Variants in CTDP1 observed in about 807,000 individuals in gnomAD.
CTDP1 encodes CTD phosphatase 1.
Under a neutral mutation model 91.8 loss-of-function variants are expected in CTDP1, and 47 were observed. The observed-to-expected ratio is 0.51, with a 90% CI of 0.41 to 0.65. The LOEUF is 0.65. Ranked by LOEUF, CTDP1 falls within the 30% of genes least tolerant of loss-of-function variation. The pLI is 0.00. For synonymous variants in CTDP1, 656 were observed against 598.5 expected (o/e 1.10, Z -1.40); for missense variants, 1,272 against 1,373.7 (o/e 0.93, Z 1.17).
intron 12 of CTDP1, among the ~76,000 whole-genome samples, chr18:79,750,169 G>GA (rs1727276242): frequency 6.6e-6 from 1 of 152,156 alleles, no homozygotes; most frequent in Non-Finnish European, 1.5e-5. Context: ...CAGGTGCACA[G>GA]AAAAGGTGCG....
At chr18:79,694,294 C>CGGCCTCT (rs2085694791) in intron 1 of CTDP1, among the ~76,000 whole-genome samples, 1 of 119,014 alleles carries the variant, frequency 8.4e-6, no homozygotes, top group Non-Finnish European at 1.8e-5. Context: ...GAGTGCTGGG[C>CGGCCTCT]GGTCTCATGT....
Position 79,696,067 on chromosome 18 carries a change from C to A in CTDP1, c.489C>A (p.Ser163=). The change falls in exon 3 of 13, where the codon TCC becomes TCA. Residue 163 remains serine (S), a synonymous_variant. Transcript: ENST00000613122. ...GCGTGCCGGAGTTGATGGTGAGCTC[C>A]GAGGTGAGCCGGGCATCAGTGGCGG... ...VHSVPELMVS[S]EQAEQLGRED... is the part of the protein sequence containing the mutation. The A allele has an allele frequency of 6.2e-7, 1 of 1,610,864 alleles. No homozygotes were observed.
In CTDP1 at chr18:79,680,241, G is replaced by A. The variant is rs187756055; in HGVS notation, c.294G>A (p.Pro98=). 3.8e-4 allele frequency: 498 copies of A among 1,306,134 alleles called. 3 individuals carry two copies. The African/African-American group carries it at 6.9e-3, about 18-fold the overall frequency. The allele number at this position is 1,306,134 out of a possible 1,614,324, so 80.9% of individuals were successfully genotyped here. ...TGGTGCGGGAGCTGTGCGCGCAGCCGGGCCAGGTGGTCGCCCCAGGGTGAG... is the reference window on the plus strand; with the variant it reads ...TGGTGCGGGAGCTGTGCGCGCAGCCAGGCCAGGTGGTCGCCCCAGGGTGAG... ...AGVVRELCAQ[P]GQVVAPGAVL... Residue 98 remains proline (P), a synonymous_variant, in exon 1 of 13, where the codon CCG becomes CCA. Coordinates refer to ENST00000613122, the MANE Select transcript of CTDP1 (RefSeq NM_004715.5).
At chr18:79,684,311 A>G (rs112281285) in intron 1 of CTDP1, among the ~76,000 whole-genome samples, 11 of 152,360 alleles carry the variant, frequency 7.2e-5, no homozygotes, top group East Asian at 3.9e-4. Flanking sequence ...TCTTTATAGC[A>G]TGGAATTTTA....
chr18:79,687,768 T>C (rs2085535481), intron 1 of CTDP1, among the ~76,000 whole-genome samples: 1 of 152,270 alleles, frequency 6.6e-6, no homozygotes, highest in African/African-American at 2.4e-5. Context: ...TAAAGTGTTT[T>C]CAGGCTGGAA....
At position 79,705,021 on chromosome 18, in the gene CTDP1, A is replaced by G. The variant is rs993695944; in HGVS notation, c.772+104A>G. 2.6e-6 allele frequency: 4 copies of G among 1,542,488 alleles called. No individual in the cohort carries two copies. The East Asian group carries it at 9.1e-5, about 35-fold the overall frequency. On this transcript the variant is annotated intron_variant, in intron 5 of 12. Transcript: ENST00000613122. ...AAGAAAGAAAAGAAGCTCTCCTGCAACTCAGTTGTAGTCTTAGGGTTGGCC... is the reference window on the plus strand; with the variant it reads ...AAGAAAGAAAAGAAGCTCTCCTGCAGCTCAGTTGTAGTCTTAGGGTTGGCC...
chr18:79,692,383 A>G (rs543256704), intron 1 of CTDP1, among the ~76,000 whole-genome samples: 1 of 152,206 alleles, frequency 6.6e-6, no homozygotes, highest in Admixed American at 6.5e-5. Context: ...TGTATGCCTG[A>G]TAAGTTCTGA....
chr18:79,705,651 T>C (rs2085953287), intron 5 of CTDP1, among the ~76,000 whole-genome samples: 1 of 152,228 alleles, frequency 6.6e-6, no homozygotes, highest in African/African-American at 2.4e-5. Context: ...GGCGACCGTC[T>C]GTCCCACATG....
rs531674492 is a variant in CTDP1, at chr18:79,753,831, A to G, written c.*41A>G. The G allele has an allele frequency of 2.5e-5, 40 of 1,604,710 alleles. No homozygotes were observed. The South Asian group carries it at 4.2e-4, about 17-fold the overall frequency. On this transcript the variant is annotated 3_prime_UTR_variant, in exon 13 of 13. Transcript: ENST00000613122. ...AGGGACTGAAGCCTGACCGACCTCC[A>G]GCAGCACTCGGACGTCCCCGGACCA... is the stretch of plus-strand genomic sequence containing the variant.
At chr18:79,735,338 C>T (rs545443527) in intron 11 of CTDP1, among the ~76,000 whole-genome samples, 1 of 152,326 alleles carries the variant, frequency 6.6e-6, no homozygotes, top group Non-Finnish European at 1.5e-5. Context: ...CAGGCCGCCC[C>T]GCCTCACCTG....
At chr18:79,684,771 T>C (rs953625670) in intron 1 of CTDP1, among the ~76,000 whole-genome samples, 2 of 152,210 alleles carry the variant, frequency 1.3e-5, no homozygotes, top group Admixed American at 6.5e-5. Flanking sequence ...AGTCACTAGA[T>C]TGTCGTTTTG....
chr18:79,719,675 A>G (rs1345864016), intron 10 of CTDP1, among the ~76,000 whole-genome samples: 1 of 139,932 alleles, frequency 7.1e-6, no homozygotes, highest in Admixed American at 7.3e-5. Context: ...CATCATTAGG[A>G]AAGCGTCCTG....
chr18:79,729,701 A>G (rs1407075409), intron 11 of CTDP1, among the ~76,000 whole-genome samples: 1 of 152,098 alleles, frequency 6.6e-6, no homozygotes, highest in Non-Finnish European at 1.5e-5. Flanking sequence ...CCCCTGATAG[A>G]AGGTTCCACA....
At chr18:79,697,356 C>T (rs1340265732) in intron 3 of CTDP1, among the ~76,000 whole-genome samples, 2 of 152,222 alleles carry the variant, frequency 1.3e-5, no homozygotes, top group East Asian at 3.9e-4. Context: ...GAGCTCCACT[C>T]TGGGCCCCGC....
intron 4 of CTDP1, among the ~76,000 whole-genome samples, chr18:79,698,404 G>T (rs1054084381): frequency 1.3e-5 from 2 of 152,194 alleles, no homozygotes; most frequent in East Asian, 3.9e-4. Context: ...TGGACGCCTG[G>T]GTTTGTGCTT....
At chr18:79,679,330 C>G (rs2085302244), upstream of CTDP1, 2 of 438,978 alleles carry the variant, frequency 4.6e-6, no homozygotes, top group Middle Eastern at 3.7e-4. Context: ...GACAGCCTCA[C>G]GTCTCTGGGC....
intron 12 of CTDP1, among the ~76,000 whole-genome samples, chr18:79,748,687 CTG>C (rs1045615386): frequency 4.6e-5 from 7 of 152,376 alleles, no homozygotes; most frequent in Admixed American, 2.0e-4. Context: ...CCACAAGAAA[CTG>C]TTCCCAGCGA....
chr18:79,693,844 C>T (rs1033104149), intron 1 of CTDP1, among the ~76,000 whole-genome samples: 44 of 147,352 alleles, frequency 3.0e-4, no homozygotes, highest in African/African-American at 9.2e-4. Flanking sequence ...GCTACAGACC[C>T]GCCCCTCCGA....
intron 10 of CTDP1, among the ~76,000 whole-genome samples, chr18:79,728,422 C>T (rs60298379): frequency 0.3 from 46,251 of 152,080 alleles, 8,341 homozygotes; most frequent in East Asian, 0.41. Flanking sequence ...TAATTTCAGC[C>T]CACTGACGTC....
Sources: allele counts gnomAD v4.1 joint callset (sites outside exome capture counted in the v4.1 genomes callset), GRCh38; gene constraint gnomAD v4.1.1; transcripts MANE v1.5; gene names NCBI Gene and HGNC (gene_info 2026-07-23, HGNC 2026-07-21).